Variants in ABCA12 observed in about 807,000 individuals in gnomAD.
ABCA12 encodes ATP binding cassette subfamily A member 12, also known as glucosylceramide transporter ABCA12.
A neutral mutation model predicts 293.5 loss-of-function variants in ABCA12; 156 were observed. The ratio of observed to expected loss-of-function variants is 0.53; its 90% CI spans 0.47 to 0.61. The LOEUF (loss-of-function observed/expected upper bound fraction) is 0.61. Among genes scored for constraint, ABCA12 ranks in the 20% least tolerant of loss-of-function variants. The pLI, the probability that ABCA12 is intolerant of heterozygous loss-of-function variation, is 0.00. For synonymous variants in ABCA12, 1,063 were observed against 1,108.0 expected, an observed-to-expected ratio of 0.96 and a Z score of 0.81; for missense variants, 2,797 against 3,090.2, an observed-to-expected ratio of 0.91 and a Z score of 2.25.
chr2:214,991,112 G>A, intron 23 of ABCA12, 81 bp from the exon 24 acceptor site: 1 of 1,223,360 alleles, frequency 8.2e-7, no homozygotes, highest in Non-Finnish European at 1.2e-6. Flanking sequence ...ATGTCAAAAT[G>A]TCATGATAGT....
intron 20 of ABCA12, among the ~76,000 whole-genome samples, chr2:215,003,227 A>G (rs1018605343): frequency 9.2e-5 from 14 of 152,210 alleles, no homozygotes; most frequent in African/African-American, 3.4e-4. Context: ...CCATGGTTGC[A>G]TAGCAACAGT....
intron 20 of ABCA12, among the ~76,000 whole-genome samples, chr2:215,002,907 C>T (rs1347329989): frequency 6.6e-6 from 1 of 152,190 alleles, no homozygotes; most frequent in African/African-American, 2.4e-5. Context: ...TTCTTAGCCT[C>T]ACTTCCTAGT....
Position 214,990,944 on chromosome 2 carries a change from T to A in ABCA12, c.3382A>T (p.Ile1128Phe). The change falls in exon 24 of 53, where the codon ATC becomes TTC. Residue 1128 changes from isoleucine to phenylalanine, a missense_variant. Around this residue, in one of 3 missense-constraint regions of ABCA12, gnomAD observed 2,130 missense variants for 2,427.0 expected, o/e 0.88. Transcript: ENST00000272895. The stretch of plus-strand genomic sequence containing the variant: ...CCAAACTTGAGTATAATGATGAGGA[T>A]CACGATGGTAACCAGTAAAAATCCA... ...SVGFLLVTIV[I>F]LIIILKFGNI... The A allele has an allele frequency of 6.2e-7, 1 of 1,614,012 alleles. No individual in the cohort carries two copies. The highest frequency in any genetic ancestry group is 2.2e-5 in the East Asian group (1 of 44,860).
chr2:214,940,113 C>T (rs751941249), intron 50 of ABCA12, among the ~76,000 whole-genome samples: 1 of 152,110 alleles, frequency 6.6e-6, no homozygotes, highest in Non-Finnish European at 1.5e-5. Context: ...TCATAAATAG[C>T]TCTCATTATT....
intron 23 of ABCA12, among the ~76,000 whole-genome samples, chr2:214,993,258 A>G (rs1273074718): frequency 6.6e-6 from 1 of 152,186 alleles, no homozygotes; most frequent in Admixed American, 6.5e-5. Flanking sequence ...CACCATTTGT[A>G]GTAAAGACTC....
chr2:214,951,628 A>C (rs561447052), intron 44 of ABCA12, among the ~76,000 whole-genome samples: 5 of 152,244 alleles, frequency 3.3e-5, no homozygotes, highest in African/African-American at 9.6e-5. Flanking sequence ...ATGGTGGTGC[A>C]CACCTGTAGT....
intron 1 of ABCA12, among the ~76,000 whole-genome samples, chr2:215,126,463 C>T (rs1334928446): frequency 6.6e-6 from 1 of 151,902 alleles, no homozygotes; most frequent in African/African-American, 2.4e-5. Context: ...TTTTAATTAC[C>T]ATTTCATTCT....
chr2:215,071,076 A>G (rs12472691), intron 2 of ABCA12, among the ~76,000 whole-genome samples: 13,750 of 151,822 alleles, frequency 0.091, 917 homozygotes, highest in East Asian at 0.36. Context: ...ATGTGCCTGC[A>G]GTCCCACCTA....
rs551485513 is a variant in ABCA12 at position 215,042,546 on chromosome 2, C to A, written c.872+3291G>T. ...ACAGGCATAAGCCACTGCACTCAGC[C>A]TCTTGTAAGTTTTATTTTATTTTTA... On this transcript the variant is annotated intron_variant, in intron 7 of 52. Transcript: ENST00000272895. Among the ~76,000 whole-genome samples the A allele has an allele frequency of 2.6e-5, 4 of 152,242 alleles. No homozygotes were observed. In the South Asian group the frequency reaches 8.3e-4, roughly 32 times the overall value.
At chr2:215,057,793 A>G (rs1293596360) in intron 3 of ABCA12, among the ~76,000 whole-genome samples, 1 of 151,988 alleles carries the variant, frequency 6.6e-6, no homozygotes, top group African/African-American at 2.4e-5. Flanking sequence ...CTTTTTTTAA[A>G]TGGCTGTGGC....
In ABCA12 at chr2:214,945,110, T is replaced by C. The variant is rs374149360; in HGVS notation, c.7240-6A>G. ...ATGCCAGAGCTCGGCTCATCCTTAA[T>C]AGAAAGTTACAACAAAAATTTATCA... On this transcript the variant is annotated splice_polypyrimidine_tract_variant and splice_region_variant and intron_variant, in intron 48 of 52. Coordinates refer to ENST00000272895, the MANE Select transcript of ABCA12 (RefSeq NM_173076.3). 9.9e-6 allele frequency: 16 copies of C among 1,610,866 alleles called. No individual in the cohort carries two copies. The highest frequency in any genetic ancestry group is 1.7e-5 in the Admixed American group (1 of 59,770).
intron 3 of ABCA12, among the ~76,000 whole-genome samples, chr2:215,058,850 A>AG (rs1418717540): frequency 2.0e-5 from 3 of 152,088 alleles, no homozygotes; most frequent in Non-Finnish European, 4.4e-5. Context: ...GGAAAAAAAA[A>AG]CTAAACACTG....
At position 215,031,872 on chromosome 2, in the gene ABCA12, A is replaced by G. The variant is rs187013643; in HGVS notation, c.1010T>C (p.Val337Ala). ...GGTCTGTCCATCATCCTCATTCCACACATGCGTTATATTATCGGAGTCACC... is the reference window on the plus strand; with the variant it reads ...GGTCTGTCCATCATCCTCATTCCACGCATGCGTTATATTATCGGAGTCACC... ...AQGDSDNITH[V>A]WNEDDGQTLS... Residue 337 changes from valine to alanine, a missense_variant, in exon 9 of 53, where the codon GTG (valine) becomes GCG (alanine). By Grantham distance (64) the Val-to-Ala change is moderately conservative. This residue lies in a region of ABCA12 where 656 missense variants were observed against 638.2 expected (regional missense o/e 1.03). Transcript: ENST00000272895. 6.8e-6 allele frequency: 11 copies of G among 1,613,970 alleles called. No homozygotes were observed. In the East Asian group the frequency reaches 2.5e-4, roughly 36 times the overall value.
chr2:215,089,407 C>T (rs74445604), intron 2 of ABCA12, among the ~76,000 whole-genome samples: 2,139 of 152,254 alleles, frequency 0.014, 58 homozygotes, highest in African/African-American at 0.049. Flanking sequence ...AATAATAAAA[C>T]AAGAGCTACA....
chr2:215,118,258 C>T (rs1286024394), intron 1 of ABCA12, among the ~76,000 whole-genome samples: 1 of 151,884 alleles, frequency 6.6e-6, no homozygotes, highest in Non-Finnish European at 1.5e-5. Flanking sequence ...AAAAATTAGC[C>T]GAGCATGGTG....
At chr2:215,038,902 C>A (rs983014263) in intron 7 of ABCA12, 4 of 152,170 alleles carry the variant, frequency 2.6e-5, no homozygotes, top group Non-Finnish European at 4.4e-5. Flanking sequence ...TCTCTGAAAT[C>A]CTTTACACCA....
chr2:214,975,058 G>A (rs551866489), intron 34 of ABCA12, among the ~76,000 whole-genome samples, 194 bp from the exon 35 acceptor site: 79 of 152,216 alleles, frequency 5.2e-4, no homozygotes, highest in African/African-American at 1.8e-3. Context: ...TCAGCCTCCC[G>A]GGTTCAAGCG....
At chr2:215,105,052 C>A (rs1277217240) in intron 2 of ABCA12, among the ~76,000 whole-genome samples, 1 of 152,144 alleles carries the variant, frequency 6.6e-6, no homozygotes, top group Non-Finnish European at 1.5e-5. Flanking sequence ...CCATATAAAT[C>A]TTCCAAACTG....
At chr2:215,064,707 A>G (rs947257303) in intron 2 of ABCA12, among the ~76,000 whole-genome samples, 5 of 147,786 alleles carry the variant, frequency 3.4e-5, no homozygotes, top group African/African-American at 4.9e-5. Context: ...ACACACACAC[A>G]CACACACACA....
Sources: gnomAD v4.1 joint callset for allele counts (sites outside exome capture counted in the v4.1 genomes callset) on GRCh38, gnomAD v4.1.1 for gene constraint, gnomAD v4.1.1 regional missense constraint, MANE v1.5 for transcripts, NCBI Gene and HGNC (gene_info 2026-07-23, HGNC 2026-07-21) for gene names.